PDE4A: variants seen among roughly 807,000 people sequenced by gnomAD.
PDE4A encodes the protein 3',5'-cyclic-AMP phosphodiesterase 4A.
Under a neutral mutation model 73.9 loss-of-function variants are expected in PDE4A, and 21 were observed. The observed-to-expected ratio is 0.28, with a 90% confidence interval of 0.20 to 0.41. The LOEUF (loss-of-function observed/expected upper bound fraction) is 0.41. PDE4A is among the 10% of genes least tolerant of loss of function. The probability of loss-of-function intolerance (pLI) is 1.00; values close to 1 mark genes in which losing one functional copy is unlikely to be tolerated. For synonymous variants in PDE4A, 463 were observed against 505.4 expected (o/e 0.92, Z 1.13); for missense variants, 958 against 1,211.4 (o/e 0.79, Z 3.10).
upstream of PDE4A, chr19:10,417,586 G>T: frequency 6.7e-7 from 1 of 1,500,928 alleles, no homozygotes; most frequent in East Asian, 2.5e-5. Flanking sequence ...CAGCTAGGTA[G>T]GGGTGTTCTT....
At chr19:10,455,236 G>T (rs2043152041) in intron 7 of PDE4A, among the ~76,000 whole-genome samples, 1 of 152,198 alleles carries the variant, frequency 6.6e-6, no homozygotes. Context: ...GCTGAGGCAG[G>T]CGGATCACTT....
chr19:10,450,722 C>T, intron 5 of PDE4A, 70 bp downstream of exon 5: 1 of 1,586,754 alleles, frequency 6.3e-7, no homozygotes, highest in Non-Finnish European at 8.6e-7. Context: ...AGCCCCTTCC[C>T]CACCCAGCAG....
intron 14 of PDE4A, among the ~76,000 whole-genome samples, chr19:10,466,003 CTT>C (rs372475097): frequency 5.5e-5 from 7 of 126,508 alleles, no homozygotes; most frequent in East Asian, 2.4e-4. Flanking sequence ...ATCCGGCCTA[CTT>C]TTTTTTTTTT....
Position 10,467,158 on chromosome 19 carries a change from C to A in PDE4A, c.2198C>A (p.Ala733Glu). 1 of 1,614,198 alleles carries A rather than the reference C, an allele frequency of 6.2e-7. No individual in the cohort carries two copies. The highest frequency in any genetic ancestry group is 8.5e-7 in the Non-Finnish European group (1 of 1,180,038). The change falls in exon 15 of 15, where the codon GCA (alanine) becomes GAA (glutamate). Residue 733 changes from alanine to glutamate, a missense_variant. Coordinates refer to ENST00000380702, the MANE Select transcript of PDE4A (RefSeq NM_001111307.2). ...CAGATACCGTGCACAGCCCAAGAGG[C>A]ATTGACTGCGCAGGGATTGTCAGGA... ...MAQIPCTAQE[A>E]LTAQGLSGVE...
intron 7 of PDE4A, among the ~76,000 whole-genome samples, chr19:10,457,414 G>A (rs1300772267): frequency 7.0e-6 from 1 of 143,592 alleles, no homozygotes; most frequent in Non-Finnish European, 1.5e-5. Flanking sequence ...CCCCAGGCAG[G>A]CTGGTGCCAA....
chr19:10,434,361 T>G (rs1172755415), intron 1 of PDE4A, among the ~76,000 whole-genome samples: 1 of 151,464 alleles, frequency 6.6e-6, no homozygotes, highest in Admixed American at 6.6e-5. Flanking sequence ...TATGCCACCA[T>G]AGCCCAGCTA....
chr19:10,446,685 C>G (rs1464869671), intron 2 of PDE4A, among the ~76,000 whole-genome samples: 5 of 151,948 alleles, frequency 3.3e-5, no homozygotes, highest in African/African-American at 1.2e-4. Context: ...ACCTCCGCCT[C>G]CTGGGTTCAA....
rs1242374426 is a variant in PDE4A, at chr19:10,428,870, C to T, written c.320+7786C>T. The T allele has an allele frequency of 7.1e-6, 7 of 985,276 alleles. No homozygotes were observed. In the African/African-American group the frequency reaches 1.2e-4, roughly 17 times the overall value. The allele number at this position is 985,276 out of a possible 1,614,324, so 61.0% of individuals were successfully genotyped here. On this transcript the variant is annotated intron_variant, in intron 1 of 14. Transcript: ENST00000380702. The stretch of plus-strand genomic sequence containing the variant: ...ATTCACTGTTGGGCGCAGTGGCTCA[C>T]ACGGGTGGATCACTTGAGGCCAGGA...
At chr19:10,432,413 C>G (rs1400042774) in intron 1 of PDE4A, 10 of 1,395,638 alleles carry the variant, frequency 7.2e-6, no homozygotes, top group Middle Eastern at 2.6e-4. Flanking sequence ...CATGCGCGCC[C>G]CGACGACGGC....
At chr19:10,428,122 CG>C (rs2042741043) in intron 1 of PDE4A, among the ~76,000 whole-genome samples, 2 of 152,060 alleles carry the variant, frequency 1.3e-5, no homozygotes, top group Non-Finnish European at 2.9e-5. Flanking sequence ...GAGGCCAAGG[CG>C]GGCAGATCAC....
At position 10,454,871 on chromosome 19, in the gene PDE4A, A is replaced by C. The variant is rs771196721; in HGVS notation, c.826A>C (p.Met276Leu). 3.7e-6 allele frequency: 6 copies of C among 1,614,158 alleles called. No individual in the cohort carries two copies. In the South Asian group the frequency reaches 6.6e-5, roughly 18 times the overall value. Residue 276 changes from methionine to leucine, a missense_variant, in exon 7 of 15, where the codon ATG becomes CTG. Physicochemically the swap from Met to Leu is conservative, Grantham distance 15 (BLOSUM62 2). Around this residue, in one of 3 missense-constraint regions of PDE4A, gnomAD observed 570 missense variants for 827.7 expected, o/e 0.69. Transcript: ENST00000380702. Reference protein sequence around the residue: ...LNRELTHLSEMSRSGNQVSEY... With the variant: ...LNRELTHLSELSRSGNQVSEY... ...CCGTGAGCTCACACACCTGTCAGAA[A>C]TGAGCAGGTCCGGAAACCAGGTCTC...
In PDE4A at chr19:10,420,807, T is replaced by A; in HGVS notation, c.43T>A (p.Ser15Thr). Residue 15 changes from serine (S) to threonine (T), a missense_variant, in exon 1 of 15, where the codon TCA (serine) becomes ACA (threonine). Ser to Thr is a moderately conservative substitution (Grantham distance 58). Transcript: ENST00000380702. This position sits in a 1 kb window ranked among gnomAD's most constrained non-coding sequence, Gnocchi z 6.0. ...CCCCTCGGAAAGGAGCCTGTCTCTG[T>A]CACTGCCCGGGCCCCGGGAGGGCCA... ...TVPSERSLSL[S>T]LPGPREGQAT... is the part of the protein sequence containing the mutation. 6.3e-7 allele frequency: 1 copy of A among 1,586,116 alleles called. No individual in the cohort carries two copies. The highest frequency in any genetic ancestry group is 8.5e-7 in the Non-Finnish European group (1 of 1,174,540).
chr19:10,427,988 C>T, intron 1 of PDE4A: 1 of 190,280 alleles, frequency 5.3e-6, no homozygotes, highest in Non-Finnish European at 8.2e-6. Flanking sequence ...AGAGTGAGAC[C>T]CTGTCAAAAA....
chr19:10,417,078 C>A, upstream of PDE4A: 1 of 1,487,740 alleles, frequency 6.7e-7, no homozygotes, highest in Non-Finnish European at 8.9e-7. Flanking sequence ...ATTTCCTGAA[C>A]GTGGCTTCAC....
rs2043410578 is a variant in PDE4A at position 10,468,014 on chromosome 19, T to TCC, written c.*394_*395dup. ...CACCTTCCCCCACTGCCCCCCAAGT[T>TCC]CCAGGCTCAGTCTTCCAGCCGCCTG... On this transcript the variant is annotated 3_prime_UTR_variant, in exon 15 of 15. Transcript: ENST00000380702. 1 of 157,040 alleles carries TCC rather than the reference T, an allele frequency of 6.4e-6. No homozygotes were observed. Among genetic ancestry groups the TCC allele is most frequent in the African/African-American group, 2.4e-5 (1 of 41,552 alleles). 9.7% of individuals were successfully genotyped at this position (157,040 alleles called of 1,614,324 possible). A position where few individuals can be genotyped will look rare whatever the true frequency, so the allele number is the denominator to read the frequency against.
chr19:10,435,561 AACACACACAC>A (rs35022243), intron 1 of PDE4A, among the ~76,000 whole-genome samples: 21 of 145,446 alleles, frequency 1.4e-4, no homozygotes, highest in African/African-American at 4.3e-4. Flanking sequence ...ACCCTGTATC[AACACACACAC>A]ACACACACAC....
In PDE4A at chr19:10,458,226, G is replaced by T; in HGVS notation, c.1101+124G>T. On this transcript the variant is annotated intron_variant, in intron 8 of 14. Coordinates refer to ENST00000380702, the MANE Select transcript of PDE4A (RefSeq NM_001111307.2). This position sits in a 1 kb window ranked among gnomAD's most constrained non-coding sequence, Gnocchi z 4.6. ...GAAGCAGAGCTTGAGATGAGGGTTT[G>T]AGCCCATCTTGAGGCAAGCATGCTG... 1.1e-6 allele frequency: 1 copy of T among 883,494 alleles called. No individual in the cohort carries two copies. The allele number at this position is 883,494 out of a possible 1,614,324, so 54.7% of individuals were successfully genotyped here. A position where few individuals can be genotyped will look rare whatever the true frequency, so the allele number is the denominator to read the frequency against.
rs550779534 is a variant in PDE4A at position 10,421,847 on chromosome 19, C to T, written c.320+763C>T. Among the ~76,000 whole-genome samples the T allele has an allele frequency of 1.1e-4, 17 of 152,284 alleles. No homozygotes were observed. In the East Asian group the frequency reaches 3.1e-3, roughly 28 times the overall value. On this transcript the variant is annotated intron_variant, in intron 1 of 14. Coordinates refer to ENST00000380702, the MANE Select transcript of PDE4A (RefSeq NM_001111307.2). ...CCTCTGAGGGTATTCTCCGATTGAC[C>T]TCCGTTTGCTCCAGCTGTCCGGGTA...
Position 10,461,039 on chromosome 19 carries a change from C to T in PDE4A, c.1401C>T (p.Leu467=), listed in dbSNP as rs1181585140. Reference sequence around the variant, plus strand: ...CGGACCTGGAGATTCTCGCCGCCCTCTTCGCGGCTGCCATCCACGATGTGG... The same window carrying T: ...CGGACCTGGAGATTCTCGCCGCCCTTTTCGCGGCTGCCATCCACGATGTGG... ...VFTDLEILAA[L]FAAAIHDVDH... Residue 467 remains leucine (L), a synonymous_variant, in exon 11 of 15, where the codon CTC becomes CTT. Coordinates refer to ENST00000380702, the MANE Select transcript of PDE4A (RefSeq NM_001111307.2). The T allele has an allele frequency of 1.2e-6, 2 of 1,613,788 alleles. No homozygotes were observed. The highest frequency in any genetic ancestry group is 1.7e-5 in the Admixed American group (1 of 60,010).
Sources: gnomAD v4.1 joint callset for allele counts (sites outside exome capture counted in the v4.1 genomes callset) on GRCh38, gnomAD v4.1.1 for gene constraint, gnomAD v4.1.1 regional missense constraint, Gnocchi (gnomAD v3.1) non-coding constraint, MANE v1.5 for transcripts, NCBI Gene and HGNC (gene_info 2026-07-23, HGNC 2026-07-21) for gene names.